The following WFS1 variants were observed in gnomAD, a reference collection of about 807,000 sequenced individuals.
WFS1 encodes wolframin ER transmembrane glycoprotein, also known as wolframin.
In WFS1, 90 loss-of-function variants were observed where a neutral mutation model predicts 68.5. The ratio of observed to expected loss-of-function variants is 1.31; its 90% CI spans 1.11 to 1.56. The LOEUF (loss-of-function observed/expected upper bound fraction) is 1.56. Ranked by LOEUF, WFS1 falls within the 40% of genes most tolerant of loss-of-function variation. The pLI, the probability that WFS1 is intolerant of heterozygous loss-of-function variation, is 0.00. For synonymous variants in WFS1, 860 were observed against 540.7 expected (o/e 1.59, Z -8.19); for missense variants, 1,767 against 1,232.6 (o/e 1.43, Z -6.49).
chr4:6,281,974 G>A (rs904734432), intron 2 of WFS1, among the ~76,000 whole-genome samples: 1 of 152,210 alleles, frequency 6.6e-6, no homozygotes, highest in Non-Finnish European at 1.5e-5. Flanking sequence ...CCCACTGTGG[G>A]TGATGTCTAC....
chr4:6,300,630 C>A (rs766412493), intron 7 of WFS1, 27 bp from the exon 8 acceptor site: 1 of 1,613,598 alleles, frequency 6.2e-7, no homozygotes, highest in South Asian at 1.1e-5. Context: ...GTCCCAGCCT[C>A]GTTCCCACGT....
At chr4:6,293,144 GGA>G (rs1730516086) in intron 6 of WFS1, among the ~76,000 whole-genome samples, 3 of 152,058 alleles carry the variant, frequency 2.0e-5, no homozygotes, top group African/African-American at 7.3e-5. Context: ...CCTCTGGGCA[GGA>G]GCAGCCCAGC....
intron 3 of WFS1, 69 bp from the exon 4 acceptor site, chr4:6,288,918 G>A: frequency 1.3e-6 from 2 of 1,572,760 alleles, no homozygotes; most frequent in South Asian, 2.3e-5. Flanking sequence ...GAAAGGAGGT[G>A]GGCTGGCAGG....
At chr4:6,285,329 T>G (rs1319628483) in intron 2 of WFS1, among the ~76,000 whole-genome samples, 5 of 118,436 alleles carry the variant, frequency 4.2e-5, no homozygotes, top group African/African-American at 1.0e-4. Context: ...TCCAGGGAGG[T>G]GGCCTGTCAG....
At chr4:6,278,939 C>T (rs974496775) in intron 2 of WFS1, among the ~76,000 whole-genome samples, 3 of 152,246 alleles carry the variant, frequency 2.0e-5, no homozygotes, top group Non-Finnish European at 4.4e-5. Context: ...AGGACAGAGT[C>T]CAAGACTGTG....
chr4:6,299,821 T>TGTGTGTGTGTAGGGGTGGGTTGC, intron 7 of WFS1, among the ~76,000 whole-genome samples: 3 of 117,818 alleles, frequency 2.5e-5, no homozygotes, highest in African/African-American at 1.0e-4. Context: ...GTAGGTTGCG[T>TGTGTGTGTGTAGGGGTGGGTTGC]GTGTGTGAAT....
rs561390520 is a variant in WFS1 at position 6,277,963 on chromosome 4, T to C, written c.232+276T>C. On this transcript the variant is annotated intron_variant, in intron 2 of 7. Coordinates refer to ENST00000226760, the MANE Select transcript of WFS1 (RefSeq NM_006005.3). ...AGGGCCTCTGCAGCACTTCACAGCT[T>C]CCATTTGCAACAGCGTCCAAACATG... 2.0e-4 allele frequency among the ~76,000 whole-genome samples: 30 copies of C among 152,328 alleles called. No homozygotes were observed. In the East Asian group the frequency reaches 5.8e-3, roughly 29 times the overall value.
intron 1 of WFS1, among the ~76,000 whole-genome samples, chr4:6,272,743 G>A (rs568632351): frequency 2.0e-5 from 3 of 152,172 alleles, no homozygotes; most frequent in Non-Finnish European, 4.4e-5. Flanking sequence ...TCTTTTTTAG[G>A]GGGCGTTTTC....
rs1023485906 is a variant in WFS1, at chr4:6,302,383, T to C, written c.2588T>C (p.Ile863Thr). ...TCACCCACCAGGCGGCACGTGAAGATCGAGCACGACTGGCGCAGCACCGTG... is the reference window on the plus strand; with the variant it reads ...TCACCCACCAGGCGGCACGTGAAGACCGAGCACGACTGGCGCAGCACCGTG... ...QLSPTRRHVK[I>T]EHDWRSTVHG... is the part of the protein sequence containing the mutation. The change falls in exon 8 of 8, where the codon ATC becomes ACC. Residue 863 changes from isoleucine (I) to threonine (T), a missense_variant. Ile to Thr is a moderately conservative substitution (Grantham distance 89). Transcript: ENST00000226760. 4 of 1,613,156 alleles carry C rather than the reference T, an allele frequency of 2.5e-6. No individual in the cohort carries two copies. The highest frequency in any genetic ancestry group is 3.3e-5 in the Admixed American group (2 of 60,030).
intron 7 of WFS1, among the ~76,000 whole-genome samples, chr4:6,297,082 G>A (rs547872541): frequency 6.6e-6 from 1 of 152,130 alleles, no homozygotes; most frequent in African/African-American, 2.4e-5. Context: ...TCCCACTTTG[G>A]CCTCCCACAC....
rs1348935069 is a variant in WFS1, at chr4:6,295,155, G to T, written c.827G>T (p.Gly276Val). The T allele has an allele frequency of 6.2e-7, 1 of 1,612,406 alleles. No homozygotes were observed. Among genetic ancestry groups the T allele is most frequent in the East Asian group, 2.2e-5 (1 of 44,900 alleles). The stretch of plus-strand genomic sequence containing the variant: ...GACGAAGATGATGACGAGCTGGCGG[G>T]GAAGAGCCCTGAGGACCTGCCACTG... Reference protein sequence around the residue: ...QDDEDDDELAGKSPEDLPLRL... With the variant: ...QDDEDDDELAVKSPEDLPLRL... The change falls in exon 7 of 8, where the codon GGG becomes GTG. Residue 276 changes from glycine (G) to valine (V), a missense_variant. Physicochemically the swap from Gly to Val is moderately radical, Grantham distance 109 (BLOSUM62 -3). Transcript: ENST00000226760.
intron 2 of WFS1, 133 bp from the exon 3 acceptor site, chr4:6,286,960 C>G (rs1487188457): frequency 1.2e-5 from 10 of 819,772 alleles, no homozygotes; most frequent in Non-Finnish European, 2.1e-5. Flanking sequence ...CTGTGTCTCT[C>G]TGTACTCCTG....
In WFS1 at chr4:6,277,621, G is replaced by A. The variant is rs1272094309; in HGVS notation, c.166G>A (p.Asp56Asn). 1 of 1,573,188 alleles carries A rather than the reference G, an allele frequency of 6.4e-7. No homozygotes were observed. The highest frequency in any genetic ancestry group is 1.3e-5 in the African/African-American group (1 of 74,166). ...PQAGPGPGVR[D>N]AAAPAEPQAQ... ...GGCTGGCCCTGGCCCTGGTGTTAGA[G>A]ACGCAGCGGCCCCCGCTGAACCCCA... The change falls in exon 2 of 8, where the codon GAC (aspartate) becomes AAC (asparagine). Residue 56 changes from aspartate (D) to asparagine (N), a missense_variant. Transcript: ENST00000226760.
chr4:6,296,646 A>G (rs1730647632), intron 7 of WFS1, among the ~76,000 whole-genome samples: 1 of 152,202 alleles, frequency 6.6e-6, no homozygotes, highest in African/African-American at 2.4e-5. Flanking sequence ...GTCACAGGTG[A>G]ACGGGTTAAC....
chr4:6,292,273 C>T (rs71532857), intron 6 of WFS1, among the ~76,000 whole-genome samples: 2 of 152,206 alleles, frequency 1.3e-5, no homozygotes, highest in East Asian at 1.9e-4. Flanking sequence ...GGACAGAAAC[C>T]ATGATGTGCC....
rs752935498 is a variant in WFS1 at position 6,301,703 on chromosome 4, C to T, written c.1908C>T (p.Ile636=). Residue 636 remains isoleucine, a synonymous_variant, in exon 8 of 8, where the codon ATC becomes ATT. Coordinates refer to ENST00000226760, the MANE Select transcript of WFS1 (RefSeq NM_006005.3). ...CGCGGAGCTCCATGGTCAAGCTCAT[C>T]CTGGTGTGGCTCACGGCCATCGTGC... The part of the protein sequence containing the change: ...SLTRSSMVKL[I]LVWLTAIVLF... 1.7e-5 allele frequency: 28 copies of T among 1,613,970 alleles called. No homozygotes were observed. The highest frequency in any genetic ancestry group is 2.3e-5 in the Non-Finnish European group (27 of 1,180,056).
At position 6,302,363 on chromosome 4, in the gene WFS1, C is replaced by T; in HGVS notation, c.2568C>T (p.Pro856=). ...SCLNCMAQLS[P]TRRHVKIEHD... is the part of the protein sequence containing the mutation. ...TCAACTGCATGGCCCAGCTCTCACC[C>T]ACCAGGCGGCACGTGAAGATCGAGC... Residue 856 remains proline, a synonymous_variant, in exon 8 of 8, where the codon CCC becomes CCT. Transcript: ENST00000226760. 1.9e-6 allele frequency: 3 copies of T among 1,613,088 alleles called. No homozygotes were observed. The highest frequency in any genetic ancestry group is 2.5e-6 in the Non-Finnish European group (3 of 1,180,014).
intron 2 of WFS1, among the ~76,000 whole-genome samples, chr4:6,281,601 G>A (rs1170794166): frequency 6.6e-6 from 1 of 152,124 alleles, no homozygotes; most frequent in Non-Finnish European, 1.5e-5. Context: ...CACAGCCTGA[G>A]GTAGGGTCCT....
intron 1 of WFS1, among the ~76,000 whole-genome samples, chr4:6,276,258 G>A (rs552212340): frequency 1.3e-5 from 2 of 152,208 alleles, no homozygotes; most frequent in African/African-American, 4.8e-5. Context: ...ATCCGGGTCC[G>A]GGGCTCGGGA....
Sources: gnomAD v4.1 joint callset for allele counts (sites outside exome capture counted in the v4.1 genomes callset) on GRCh38, gnomAD v4.1.1 for gene constraint, MANE v1.5 for transcripts, NCBI Gene and HGNC (gene_info 2026-07-23, HGNC 2026-07-21) for gene names.